TTLL5: variants seen among roughly 807,000 people sequenced by gnomAD.
TTLL5 encodes the protein tubulin tyrosine ligase like 5, also known as tubulin polyglutamylase TTLL5.
Under a neutral mutation model 168.4 loss-of-function variants are expected in TTLL5, and 132 were observed. The ratio of observed to expected loss-of-function variants is 0.78; its 90% CI spans 0.68 to 0.91. The LOEUF (loss-of-function observed/expected upper bound fraction) is 0.91. TTLL5 is among the 40% of genes least tolerant of loss of function. The pLI is 0.00. For missense variants in TTLL5, 1,545 were observed against 1,581.5 expected, an observed-to-expected ratio of 0.98 and a Z score of 0.39; for synonymous variants, 546 against 558.6, an observed-to-expected ratio of 0.98 and a Z score of 0.32.
At chr14:75,870,940 G>A (rs930987622) in intron 29 of TTLL5, among the ~76,000 whole-genome samples, 10 of 151,810 alleles carry the variant, frequency 6.6e-5, no homozygotes, top group South Asian at 2.1e-4. Flanking sequence ...GACTACAGGC[G>A]CCCGCCACCA....
At chr14:75,894,832 G>A (rs1472194960) in intron 30 of TTLL5, among the ~76,000 whole-genome samples, 1 of 152,140 alleles carries the variant, frequency 6.6e-6, no homozygotes, top group African/African-American at 2.4e-5. Context: ...CAATATTAAT[G>A]CCAGATAAAA....
intron 31 of TTLL5, among the ~76,000 whole-genome samples, chr14:75,922,996 G>C (rs1388804323): frequency 1.3e-5 from 2 of 152,174 alleles, no homozygotes; most frequent in African/African-American, 4.8e-5. Flanking sequence ...ATTTCTTCTA[G>C]ATTTTCTAGT....
chr14:75,935,259 A>G (rs2034400800), intron 31 of TTLL5, among the ~76,000 whole-genome samples: 1 of 152,210 alleles, frequency 6.6e-6, no homozygotes, highest in Admixed American at 6.5e-5. Flanking sequence ...CTTTTCACCA[A>G]CAGCCCTCGT....
intron 9 of TTLL5, chr14:75,712,464 TTGG>T (rs1358674854): frequency 1.4e-5 from 2 of 138,424 alleles, no homozygotes; most frequent in Non-Finnish European, 3.1e-5. Context: ...TAAGAAGATA[TTGG>T]TATCAAAAAA....
chr14:75,762,432 T>C (rs1229018154), intron 18 of TTLL5, among the ~76,000 whole-genome samples: 1 of 152,008 alleles, frequency 6.6e-6, no homozygotes, highest in African/African-American at 2.4e-5. Context: ...AAAAAGTAAA[T>C]GAAAAAGATG....
At position 75,720,673 on chromosome 14, in the gene TTLL5, A is replaced by T. The variant is rs1272231817; in HGVS notation, c.1012A>T (p.Thr338Ser). The T allele has an allele frequency of 3.1e-6, 5 of 1,613,468 alleles. No individual in the cohort carries two copies. Among genetic ancestry groups the T allele is most frequent in the Non-Finnish European group, 4.2e-6 (5 of 1,179,632 alleles). ...ACTAGCTATTGCTACTGCCTGTAAA[A>T]CCTTTGTTCCTCATCGCAGCAGTTG... ...AELAIATACK[T>S]FVPHRSSCFE... is the part of the protein sequence containing the mutation. The change falls in exon 12 of 32, where the codon ACC (threonine) becomes TCC (serine). Residue 338 changes from threonine (T) to serine (S), a missense_variant. Physicochemically the swap from Thr to Ser is moderately conservative, Grantham distance 58. Coordinates refer to ENST00000298832, the MANE Select transcript of TTLL5 (RefSeq NM_015072.5).
intron 23 of TTLL5, among the ~76,000 whole-genome samples, chr14:75,779,065 G>GGGT (rs956703546): frequency 2.0e-5 from 3 of 152,128 alleles, no homozygotes; most frequent in Non-Finnish European, 2.9e-5. Context: ...GGCTACATAT[G>GGGT]GGTGGTGGTG....
chr14:75,775,648 AG>A lies in TTLL5; in HGVS notation c.2283+19del, dbSNP rs1419150502. On this transcript the variant is annotated intron_variant, in intron 22 of 31. Transcript: ENST00000298832. ...ACAACAAGGTAAGTCTTTTTCTGTT[AG>A]TCTTGTGCTTTGGATTGCCATACAC... 2 of 1,613,358 alleles carry A rather than the reference AG, an allele frequency of 1.2e-6. No homozygotes were observed. Among genetic ancestry groups the A allele is most frequent in the Admixed American group, 1.7e-5 (1 of 59,954 alleles).
chr14:75,770,251 C>A (rs1169733538), intron 20 of TTLL5, among the ~76,000 whole-genome samples: 2 of 150,970 alleles, frequency 1.3e-5, no homozygotes, highest in Non-Finnish European at 2.9e-5. Flanking sequence ...TAAAAACCAT[C>A]CCTGCTAGTA....
rs1401334996 is a variant in TTLL5 at position 75,766,144 on chromosome 14, T to C, written c.1791T>C (p.Asp597=). 1 of 1,614,040 alleles carries C rather than the reference T, an allele frequency of 6.2e-7. No homozygotes were observed. Among genetic ancestry groups the C allele is most frequent in the Non-Finnish European group, 8.5e-7 (1 of 1,179,990 alleles). Residue 597 remains aspartate (D), a synonymous_variant, in exon 20 of 32, where the codon GAT becomes GAC. Coordinates refer to ENST00000298832, the MANE Select transcript of TTLL5 (RefSeq NM_015072.5). The part of the protein sequence containing the change: ...EEEEVALDNE[D]EEQEASQEES... The stretch of plus-strand genomic sequence containing the variant: ...AAGAAGTCGCATTAGATAATGAAGA[T>C]GAAGAACAGGAGGCTTCCCAGGAGG...
At chr14:75,857,568 G>GT (rs998263557) in intron 28 of TTLL5, among the ~76,000 whole-genome samples, 25 of 147,926 alleles carry the variant, frequency 1.7e-4, no homozygotes, top group East Asian at 3.9e-4. Flanking sequence ...GAGTTGGGAA[G>GT]TTTTTTTTTT....
intron 28 of TTLL5, among the ~76,000 whole-genome samples, chr14:75,837,612 C>A (rs945919301): frequency 2.6e-5 from 4 of 152,066 alleles, no homozygotes; most frequent in African/African-American, 9.7e-5. Flanking sequence ...TTCCCTCCCC[C>A]CAACGCCTGG....
intron 31 of TTLL5, among the ~76,000 whole-genome samples, chr14:75,913,178 T>C (rs1386981940): frequency 2.6e-5 from 4 of 152,216 alleles, no homozygotes; most frequent in African/African-American, 9.6e-5. Context: ...CTTTGGCAGC[T>C]AAGCAGTATT....
chr14:75,861,400 C>T (rs572807035), intron 28 of TTLL5, among the ~76,000 whole-genome samples: 119 of 152,274 alleles, frequency 7.8e-4, no homozygotes, highest in Non-Finnish European at 1.6e-3. Flanking sequence ...GACTTCTGAG[C>T]TTGGCAAACA....
chr14:75,953,577 A>G (rs1307614643), intron 31 of TTLL5, among the ~76,000 whole-genome samples: 1 of 152,168 alleles, frequency 6.6e-6, no homozygotes, highest in African/African-American at 2.4e-5. Flanking sequence ...GAGAATGGGA[A>G]AGAATTGGGA....
intron 27 of TTLL5, among the ~76,000 whole-genome samples, chr14:75,816,974 A>ATTCTTTTTT (rs1894451682): frequency 1.0e-5 from 1 of 96,086 alleles, no homozygotes; most frequent in African/African-American, 4.2e-5. Context: ...TCCCTGTCTT[A>ATTCTTTTTT]TTTTTTTTTT....
intron 26 of TTLL5, among the ~76,000 whole-genome samples, chr14:75,788,145 A>G (rs1304949804): frequency 6.6e-6 from 1 of 152,124 alleles, no homozygotes; most frequent in Non-Finnish European, 1.5e-5. Flanking sequence ...AAATAAGTAA[A>G]TAAGTAAATA....
intron 12 of TTLL5, among the ~76,000 whole-genome samples, chr14:75,722,064 A>G (rs918307632): frequency 1.2e-4 from 19 of 152,100 alleles, no homozygotes; most frequent in African/African-American, 4.6e-4. Flanking sequence ...ACTCTTCTAG[A>G]ATTCCATTTC....
intron 21 of TTLL5, among the ~76,000 whole-genome samples, chr14:75,774,959 G>C (rs1166333083): frequency 6.6e-6 from 1 of 151,814 alleles, no homozygotes; most frequent in Non-Finnish European, 1.5e-5. Context: ...AAATTGCTAG[G>C]ATTGTAGGTG....
Sources: gnomAD v4.1 joint callset for allele counts (sites outside exome capture counted in the v4.1 genomes callset) on GRCh38, gnomAD v4.1.1 for gene constraint, MANE v1.5 for transcripts, NCBI Gene and HGNC (gene_info 2026-07-23, HGNC 2026-07-21) for gene names.